BAALC: variants seen among roughly 807,000 people sequenced by gnomAD.
BAALC encodes the protein BAALC binder of MAP3K1 and KLF4.
Under a neutral mutation model 15.5 loss-of-function variants are expected in BAALC, and 9 were observed. The observed-to-expected ratio is 0.58, with a 90% CI of 0.35 to 1.02. The LOEUF (loss-of-function observed/expected upper bound fraction) is 1.02, where lower values mean the gene tolerates loss of function less well. Ranked by LOEUF, BAALC falls within the 50% of genes least tolerant of loss-of-function variation. BAALC has a pLI of 0.02. For missense variants in BAALC, 201 were observed against 192.4 expected (o/e 1.04, Z -0.27); for synonymous variants, 80 against 74.6 (o/e 1.07, Z -0.37).
chr8:103,141,766 G>A (rs1391082622), intron 1 of BAALC, among the ~76,000 whole-genome samples: 2 of 152,190 alleles, frequency 1.3e-5, no homozygotes, highest in Non-Finnish European at 2.9e-5. Flanking sequence ...GCACACATGT[G>A]GATTTTGACT....
intron 2 of BAALC, chr8:103,214,775 T>C (rs956265479): frequency 3.3e-5 from 5 of 152,228 alleles, no homozygotes; most frequent in African/African-American, 1.2e-4. Context: ...TAACAGGGGA[T>C]AGTTAGGCAC....
chr8:103,187,589 C>T (rs766806265), intron 1 of BAALC, among the ~76,000 whole-genome samples: 15 of 152,166 alleles, frequency 9.9e-5, no homozygotes, highest in Non-Finnish European at 1.9e-4. Context: ...GTTGCCTGTA[C>T]TCTATGTCTT....
intron 1 of BAALC, among the ~76,000 whole-genome samples, chr8:103,197,557 CATTCTTGTGTTGCT>C (rs1812122911): frequency 6.6e-6 from 1 of 152,138 alleles, no homozygotes. Context: ...TGTATTAGGC[CATTCTTGTGTTGCT>C]ATAAAGAAGT....
chr8:103,165,634 G>A (rs1811328641), intron 1 of BAALC: 1 of 152,112 alleles, frequency 6.6e-6, no homozygotes, highest in Admixed American at 6.6e-5. Context: ...AAACCAGAAT[G>A]CATTTTCTTA....
intron 2 of BAALC, among the ~76,000 whole-genome samples, chr8:103,217,120 C>G (rs545731475): frequency 2.9e-4 from 44 of 152,308 alleles, no homozygotes; most frequent in African/African-American, 1.0e-3. Flanking sequence ...CAATGAGCAG[C>G]CTGTGCAGCT....
chr8:103,192,301 C>T (rs1811989621), intron 1 of BAALC, among the ~76,000 whole-genome samples: 1 of 152,232 alleles, frequency 6.6e-6, no homozygotes, highest in South Asian at 2.1e-4. Flanking sequence ...ACCCACCCGC[C>T]TCAGCCTCCC....
rs77231685 is a variant in BAALC at position 103,155,548 on chromosome 8, G to A, written c.160+14491G>A. 3.9e-3 allele frequency among the ~76,000 whole-genome samples: 597 copies of A among 152,310 alleles called. 1 individual carries two copies. Among genetic ancestry groups the A allele is most frequent in the African/African-American group, 0.014 (567 of 41,576 alleles). On this transcript the variant is annotated intron_variant, in intron 1 of 2. Transcript: ENST00000309982. ...CCCTAGCAAGTAGGTGTGACCTTGG[G>A]TAAGGTCATTTCCTTCCACAGGAGC... is the stretch of plus-strand genomic sequence containing the variant.
rs145507148 is a variant in BAALC at position 103,158,295 on chromosome 8, G to A, written c.160+17238G>A. Among the ~76,000 whole-genome samples the A allele has an allele frequency of 5.3e-5, 8 of 152,194 alleles. No homozygotes were observed. The East Asian group carries it at 5.8e-4, about 11-fold the overall frequency. On this transcript the variant is annotated intron_variant, in intron 1 of 2. Transcript: ENST00000309982. Reference sequence around the variant, plus strand: ...GGAAAACCTTCAGGAAAGCTATTGCGCAACATGGTGACTAGCGTTAATAAC... The same window carrying A: ...GGAAAACCTTCAGGAAAGCTATTGCACAACATGGTGACTAGCGTTAATAAC...
intron 1 of BAALC, chr8:103,183,381 G>C (rs918781806): frequency 4.3e-6 from 3 of 702,942 alleles, no homozygotes; most frequent in Admixed American, 2.0e-5. Flanking sequence ...TTACCCTCTT[G>C]CCTTTGCACT....
chr8:103,157,891 C>T (rs1009350972), intron 1 of BAALC, among the ~76,000 whole-genome samples: 2 of 152,174 alleles, frequency 1.3e-5, no homozygotes, highest in Non-Finnish European at 2.9e-5. Flanking sequence ...GGTATAATAT[C>T]AGCAATTCCG....
chr8:103,204,065 T>C (rs142696165), intron 1 of BAALC, among the ~76,000 whole-genome samples: 1 of 152,332 alleles, frequency 6.6e-6, no homozygotes, highest in African/African-American at 2.4e-5. Flanking sequence ...CCAAATTCTC[T>C]ACATTTCTGA....
intron 2 of BAALC, among the ~76,000 whole-genome samples, chr8:103,215,385 T>C (rs1036723676): frequency 5.9e-5 from 9 of 152,190 alleles, no homozygotes; most frequent in Non-Finnish European, 8.8e-5. Context: ...AGATAGAACA[T>C]AGCTTCAAGT....
intron 1 of BAALC, among the ~76,000 whole-genome samples, chr8:103,159,551 T>C (rs566016712): frequency 2.0e-5 from 3 of 152,290 alleles, no homozygotes; most frequent in African/African-American, 7.2e-5. Flanking sequence ...TAAAGCGTCA[T>C]GATGGATTCA....
intron 1 of BAALC, among the ~76,000 whole-genome samples, chr8:103,207,870 A>G (rs1029315808): frequency 6.6e-6 from 1 of 152,250 alleles, no homozygotes; most frequent in African/African-American, 2.4e-5. Flanking sequence ...TTTCATAACT[A>G]GAAAATATGA....
intron 2 of BAALC, among the ~76,000 whole-genome samples, chr8:103,221,013 G>C (rs927233244): frequency 6.6e-6 from 1 of 152,176 alleles, no homozygotes; most frequent in Non-Finnish European, 1.5e-5. Flanking sequence ...TGGGGGGAAA[G>C]TGAGAAAAGG....
At chr8:103,148,940 A>G (rs1233494770) in intron 1 of BAALC, among the ~76,000 whole-genome samples, 2 of 152,178 alleles carry the variant, frequency 1.3e-5, no homozygotes, top group Non-Finnish European at 2.9e-5. Flanking sequence ...CATTTACTAT[A>G]TGTGAGAATT....
intron 1 of BAALC, among the ~76,000 whole-genome samples, chr8:103,185,155 G>T (rs1811805730): frequency 6.6e-6 from 1 of 152,006 alleles, no homozygotes; most frequent in Non-Finnish European, 1.5e-5. Flanking sequence ...TATTGCAAAA[G>T]CGTAATTTGA....
At chr8:103,218,235 GGT>G (rs1301949374) in intron 2 of BAALC, among the ~76,000 whole-genome samples, 3 of 151,948 alleles carry the variant, frequency 2.0e-5, no homozygotes, top group African/African-American at 7.3e-5. Context: ...GGTGTTAATA[GGT>G]GTTAACTGGC....
chr8:103,204,443 T>C (rs1178925395), intron 1 of BAALC, among the ~76,000 whole-genome samples: 2 of 152,216 alleles, frequency 1.3e-5, no homozygotes, highest in Non-Finnish European at 2.9e-5. Flanking sequence ...ATATCTATTT[T>C]TCATTGTTGT....
Sources: allele counts gnomAD v4.1 joint callset (sites outside exome capture counted in the v4.1 genomes callset), GRCh38; gene constraint gnomAD v4.1.1; transcripts MANE v1.5; gene names NCBI Gene and HGNC (gene_info 2026-07-23, HGNC 2026-07-21).